The following ARFIP1 variants were observed in gnomAD, a reference collection of about 807,000 sequenced individuals.
ARFIP1 encodes ARF interacting protein 1, also known as arfaptin-1.
Under a neutral mutation model 42.5 loss-of-function variants are expected in ARFIP1, and 24 were observed. That is an observed-to-expected ratio of 0.57 (90% CI 0.41 to 0.80). ARFIP1 has a LOEUF of 0.80. ARFIP1 is among the 30% of genes least tolerant of loss of function. The pLI is 0.00. For missense variants in ARFIP1, 354 were observed against 434.0 expected (o/e 0.82, Z 1.64); for synonymous variants, 141 against 153.7 (o/e 0.92, Z 0.61).
At chr4:152,806,412 CTGGTA>C (rs1245274233) in intron 1 of ARFIP1, among the ~76,000 whole-genome samples, 1 of 152,126 alleles carries the variant, frequency 6.6e-6, no homozygotes, top group Non-Finnish European at 1.5e-5. Flanking sequence ...CGCCACCAGA[CTGGTA>C]TGGTATGGTT....
chr4:152,910,563 A>G lies in ARFIP1; in HGVS notation c.*344A>G, dbSNP rs1738764899. The G allele has an allele frequency of 1.8e-5, 3 of 170,700 alleles. No individual in the cohort carries two copies. Among genetic ancestry groups the G allele is most frequent in the Admixed American group, 1.2e-4 (2 of 16,034 alleles). The allele number at this position is 170,700 out of a possible 1,614,324, so 10.6% of individuals were successfully genotyped here. On this transcript the variant is annotated 3_prime_UTR_variant, in exon 9 of 9. Coordinates refer to ENST00000353617, the MANE Select transcript of ARFIP1 (RefSeq NM_001025595.3). ...TTTTTGGTCCTGGAAATGAGGGCCG[A>G]TTGTAACTTTTCCAAAGGGAGGTTT...
chr4:152,822,440 G>T (rs895344678), intron 1 of ARFIP1, among the ~76,000 whole-genome samples: 8 of 151,742 alleles, frequency 5.3e-5, no homozygotes, highest in African/African-American at 1.9e-4. Context: ...CCTAAGAAAA[G>T]ACACAGACAG....
intron 3 of ARFIP1, among the ~76,000 whole-genome samples, chr4:152,867,615 T>G (rs142260695): frequency 1.2e-3 from 187 of 152,298 alleles, no homozygotes; most frequent in African/African-American, 4.3e-3. Flanking sequence ...ATTATTTAGC[T>G]GGCATTTTTC....
At chr4:152,796,840 C>T (rs561329341) in intron 1 of ARFIP1, 21 of 560,204 alleles carry the variant, frequency 3.7e-5, no homozygotes, top group South Asian at 1.1e-4. Context: ...GGCACAGTGA[C>T]GGCTGCAGAG....
intron 1 of ARFIP1, among the ~76,000 whole-genome samples, chr4:152,827,333 C>T (rs1191625870): frequency 5.3e-5 from 8 of 152,170 alleles, no homozygotes; most frequent in Non-Finnish European, 1.2e-4. Flanking sequence ...CCCTGTACTG[C>T]CTGTTCCCAT....
At chr4:152,858,763 C>G (rs1733638161) in intron 2 of ARFIP1, among the ~76,000 whole-genome samples, 1 of 151,966 alleles carries the variant, frequency 6.6e-6, no homozygotes, top group Admixed American at 6.6e-5. Flanking sequence ...TGAGGGGACA[C>G]AAAAATAAAC....
At chr4:152,866,745 C>T (rs1223682734) in intron 3 of ARFIP1, among the ~76,000 whole-genome samples, 5 of 149,044 alleles carry the variant, frequency 3.4e-5, no homozygotes, top group Non-Finnish European at 6.0e-5. Context: ...TCAGAAGGGG[C>T]GGCTGCCGGG....
intron 2 of ARFIP1, among the ~76,000 whole-genome samples, chr4:152,839,051 GT>G (rs1731868493): frequency 6.6e-6 from 1 of 152,178 alleles, no homozygotes; most frequent in East Asian, 1.9e-4. Context: ...TTTAACTTTT[GT>G]TTTTAATTCC....
chr4:152,786,074 A>T (rs866704829), intron 1 of ARFIP1, among the ~76,000 whole-genome samples: 1 of 152,330 alleles, frequency 6.6e-6, no homozygotes, highest in Admixed American at 6.5e-5. Context: ...ATGAAATGTT[A>T]TTGCCATGTT....
chr4:152,868,657 G>T (rs182478668), intron 3 of ARFIP1, among the ~76,000 whole-genome samples: 107 of 152,248 alleles, frequency 7.0e-4, no homozygotes, highest in African/African-American at 2.5e-3. Flanking sequence ...TTAAGAAACT[G>T]TAATAACTAG....
rs1561173793 is a variant in ARFIP1 at position 152,889,824 on chromosome 4, ATATAC to A, written c.966+1522_966+1526del. Reference sequence around the variant, plus strand: ...ATACTATATACTATATATATACTATATATACTATATACTATATATATACTATATAT... The same window carrying A: ...ATACTATATACTATATATATACTATATATATACTATATATATACTATATAT... On this transcript the variant is annotated intron_variant, in intron 8 of 8. Transcript: ENST00000353617. Among the ~76,000 whole-genome samples the A allele has an allele frequency of 5.1e-3, 563 of 110,796 alleles. 4 individuals are homozygous for A. Among genetic ancestry groups the A allele is most frequent in the African/African-American group, 0.019 (528 of 27,126 alleles). The allele number at this position is 110,796 out of a possible 152,430, so 72.7% of individuals were successfully genotyped here. A position where few individuals can be genotyped will look rare whatever the true frequency, so the allele number is the denominator to read the frequency against.
At chr4:152,825,949 C>G (rs769364308) in intron 1 of ARFIP1, among the ~76,000 whole-genome samples, 1 of 151,894 alleles carries the variant, frequency 6.6e-6, no homozygotes, top group African/African-American at 2.4e-5. Flanking sequence ...TTAAAACCAC[C>G]GTGAGATACC....
intron 1 of ARFIP1, among the ~76,000 whole-genome samples, chr4:152,810,785 C>T (rs895563739): frequency 2.6e-5 from 4 of 152,170 alleles, no homozygotes; most frequent in Admixed American, 2.6e-4. Flanking sequence ...CACCGCACTC[C>T]AGCCTGGGCT....
intron 2 of ARFIP1, among the ~76,000 whole-genome samples, chr4:152,846,539 C>T (rs865938726): frequency 2.0e-5 from 3 of 152,222 alleles, no homozygotes; most frequent in Middle Eastern, 3.4e-3. Context: ...ATCTTTTAAG[C>T]ATCTGTTTAC....
At chr4:152,894,816 G>GGGAA (rs1182897826) in intron 8 of ARFIP1, among the ~76,000 whole-genome samples, 1 of 152,170 alleles carries the variant, frequency 6.6e-6, no homozygotes, top group Admixed American at 6.5e-5. Flanking sequence ...GTGCTCTCAA[G>GGGAA]GGAAGGTACA....
chr4:152,893,412 T>G (rs796376855), intron 8 of ARFIP1, among the ~76,000 whole-genome samples: 1 of 112,734 alleles, frequency 8.9e-6, no homozygotes, highest in Admixed American at 8.7e-5. Context: ...CAACTCATGT[T>G]TTTTTTTTAG....
chr4:152,801,155 T>C (rs189425479), intron 1 of ARFIP1, among the ~76,000 whole-genome samples: 1 of 152,174 alleles, frequency 6.6e-6, no homozygotes, highest in African/African-American at 2.4e-5. Context: ...TAAGTTATTT[T>C]ATAATGTAAT....
chr4:152,906,291 C>G lies in ARFIP1; in HGVS notation c.967-3773C>G, dbSNP rs544770071. Among the ~76,000 whole-genome samples, 222 of 152,314 alleles carry G rather than the reference C, an allele frequency of 1.5e-3. 1 individual carries two copies. The highest frequency in any genetic ancestry group is 5.2e-3 in the African/African-American group (216 of 41,582). On this transcript the variant is annotated intron_variant, in intron 8 of 8. Coordinates refer to ENST00000353617, the MANE Select transcript of ARFIP1 (RefSeq NM_001025595.3). ...CAAATTACAACTCTAGCCCAAACTG[C>G]TATTTTAAGAGATATCTCAAGCATG...
At chr4:152,880,544 A>G (rs745966761) in intron 5 of ARFIP1, among the ~76,000 whole-genome samples, 1 of 152,060 alleles carries the variant, frequency 6.6e-6, no homozygotes, top group Non-Finnish European at 1.5e-5. Flanking sequence ...ACATATATAT[A>G]TACAAGTCAT....
Sources: allele counts gnomAD v4.1 joint callset (sites outside exome capture counted in the v4.1 genomes callset), GRCh38; gene constraint gnomAD v4.1.1; transcripts MANE v1.5; gene names NCBI Gene and HGNC (gene_info 2026-07-23, HGNC 2026-07-21).